TCF7L2: variants seen among roughly 807,000 people sequenced by gnomAD.
TCF7L2 encodes the protein transcription factor 7-like 2.
Under a neutral mutation model 77.9 loss-of-function variants are expected in TCF7L2, and 23 were observed. The observed-to-expected ratio is 0.30, with a 90% CI of 0.21 to 0.42. TCF7L2 has a LOEUF of 0.42. Among genes scored for constraint, TCF7L2 ranks in the 10% least tolerant of loss-of-function variants. The pLI is 1.00. For missense variants in TCF7L2, 654 were observed against 793.1 expected (o/e 0.82, Z 2.11); for synonymous variants, 413 against 340.2 (o/e 1.21, Z -2.36).
rs552749579 is a variant in TCF7L2 at position 113,079,217 on chromosome 10, G to C, written c.552+39091G>C. ...GGGTTTGGTTTTTAAATTTGTTACT[G>C]TTTTGGTGGTTGTTTTTACCTGTTG... On this transcript the variant is annotated intron_variant, in intron 5 of 13. Transcript: ENST00000627217. Among the ~76,000 whole-genome samples, 157 of 152,264 alleles carry C rather than the reference G, an allele frequency of 1.0e-3. 1 individual carries two copies. The highest frequency in any genetic ancestry group is 1.8e-3 in the Non-Finnish European group (123 of 68,018).
At chr10:112,972,278 T>C (rs2134934820) in intron 4 of TCF7L2, among the ~76,000 whole-genome samples, 1 of 152,292 alleles carries the variant, frequency 6.6e-6, no homozygotes. Flanking sequence ...GAGGCCTTTA[T>C]TTTCCCATTC....
At chr10:113,065,264 C>T (rs1399235955) in intron 5 of TCF7L2, among the ~76,000 whole-genome samples, 1 of 152,148 alleles carries the variant, frequency 6.6e-6, no homozygotes, top group African/African-American at 2.4e-5. Flanking sequence ...TTGAATGCCT[C>T]CTGTTTAGAA....
Position 113,111,955 on chromosome 10 carries a change from G to A in TCF7L2, c.553-29229G>A, listed in dbSNP as rs566440313. Among the ~76,000 whole-genome samples, 5 of 152,292 alleles carry A rather than the reference G, an allele frequency of 3.3e-5. No individual in the cohort carries two copies. In the South Asian group the frequency reaches 1.0e-3, roughly 32 times the overall value. ...AGTCACGCCTAAACTTCCTTGAGGAGATGCTAGACAAAAACAAGATGGTTT... is the reference window on the plus strand; with the variant it reads ...AGTCACGCCTAAACTTCCTTGAGGAAATGCTAGACAAAAACAAGATGGTTT... On this transcript the variant is annotated intron_variant, in intron 5 of 13. Coordinates refer to ENST00000627217, the MANE Select transcript of TCF7L2 (RefSeq NM_001146274.2).
intron 5 of TCF7L2, among the ~76,000 whole-genome samples, chr10:113,042,344 A>G (rs976794694): frequency 1.3e-5 from 2 of 152,202 alleles, no homozygotes; most frequent in Admixed American, 1.3e-4. Flanking sequence ...AAGCAGCCAC[A>G]GCTGGCAACT....
At chr10:112,952,275 C>A (rs2031898423) in intron 3 of TCF7L2, among the ~76,000 whole-genome samples, 1 of 152,210 alleles carries the variant, frequency 6.6e-6, no homozygotes, top group Non-Finnish European at 1.5e-5. Flanking sequence ...CCCTCCTTCC[C>A]CCTTCCCCTG....
At chr10:113,085,040 A>G (rs934961055) in intron 5 of TCF7L2, among the ~76,000 whole-genome samples, 7 of 152,098 alleles carry the variant, frequency 4.6e-5, no homozygotes, top group Non-Finnish European at 1.0e-4. Context: ...CTAACAGCCA[A>G]CAGGTGTTGG....
intron 4 of TCF7L2, among the ~76,000 whole-genome samples, chr10:112,966,186 A>ATT (rs2036806964): frequency 6.9e-4 from 10 of 14,594 alleles, no homozygotes; most frequent in Admixed American, 3.0e-3. Context: ...AAATATATTT[A>ATT]TATATATATA....
chr10:113,017,179 A>G lies in TCF7L2; in HGVS notation c.451-22846A>G, dbSNP rs533199400. Reference sequence around the variant, plus strand: ...TCTACTGTCCAGAATGATTTCTTATAGTGACCCTGTGTTTAGTTGGTAAGA... The same window carrying G: ...TCTACTGTCCAGAATGATTTCTTATGGTGACCCTGTGTTTAGTTGGTAAGA... On this transcript the variant is annotated intron_variant, in intron 4 of 13. Transcript: ENST00000627217. Among the ~76,000 whole-genome samples, 3 of 152,372 alleles carry G rather than the reference A, an allele frequency of 2.0e-5. No individual in the cohort carries two copies. In the South Asian group the frequency reaches 6.2e-4, roughly 32 times the overall value.
At chr10:113,101,448 C>T (rs1339730776) in intron 5 of TCF7L2, among the ~76,000 whole-genome samples, 1 of 151,800 alleles carries the variant, frequency 6.6e-6, no homozygotes, top group East Asian at 1.9e-4. Context: ...GAGGCCGAGG[C>T]AAGAGAATTT....
intron 12 of TCF7L2, 133 bp from the exon 14 acceptor site, chr10:113,159,787 T>C: frequency 1.5e-6 from 1 of 662,854 alleles, no homozygotes; most frequent in East Asian, 2.9e-5. Context: ...ATTGATTTAT[T>C]CCCTTTTTTA....
intron 5 of TCF7L2, among the ~76,000 whole-genome samples, chr10:113,116,666 G>A (rs2063771097): frequency 7.3e-6 from 1 of 136,704 alleles, no homozygotes; most frequent in Admixed American, 7.7e-5. Flanking sequence ...CGCCCCAAGT[G>A]CATCCTACAC....
At chr10:112,989,657 G>T (rs1317779005) in intron 4 of TCF7L2, among the ~76,000 whole-genome samples, 1 of 152,148 alleles carries the variant, frequency 6.6e-6, no homozygotes, top group Non-Finnish European at 1.5e-5. Context: ...TAGGCGCGTT[G>T]CTATGGTGAG....
chr10:113,154,540 G>T (rs533584833), intron 11 of TCF7L2, among the ~76,000 whole-genome samples: 7 of 152,240 alleles, frequency 4.6e-5, no homozygotes, highest in African/African-American at 1.2e-4. Flanking sequence ...TGTGAATGGT[G>T]CCCCCTGGAG....
intron 4 of TCF7L2, among the ~76,000 whole-genome samples, chr10:113,014,373 G>T (rs2046980076): frequency 6.6e-6 from 1 of 152,168 alleles, no homozygotes. Context: ...TGGTAGTTTT[G>T]CGAGGGTTAA....
chr10:113,045,950 A>G (rs555774757), intron 5 of TCF7L2, among the ~76,000 whole-genome samples: 18 of 152,304 alleles, frequency 1.2e-4, no homozygotes, highest in African/African-American at 4.3e-4. Flanking sequence ...ACATTATTTT[A>G]TAAGGAGAAC....
intron 5 of TCF7L2, among the ~76,000 whole-genome samples, chr10:113,082,726 C>T (rs956396049): frequency 3.3e-5 from 5 of 152,034 alleles, no homozygotes; most frequent in Non-Finnish European, 5.9e-5. Context: ...CGGGGTGCAT[C>T]GCTTCTGTAC....
intron 5 of TCF7L2, among the ~76,000 whole-genome samples, chr10:113,108,885 G>A (rs961669880): frequency 1.3e-5 from 2 of 152,032 alleles, no homozygotes. Flanking sequence ...TTTAATTTTC[G>A]TTTTGCCATA....
chr10:113,107,214 G>C (rs2062442635), intron 5 of TCF7L2, among the ~76,000 whole-genome samples: 1 of 152,198 alleles, frequency 6.6e-6, no homozygotes, highest in Admixed American at 6.5e-5. Context: ...GGTTGGGAAT[G>C]GACTATGTTT....
rs1564994229 is a variant in TCF7L2, at chr10:113,165,586, G to A, written c.1423G>A (p.Gly475Ser). The A allele has an allele frequency of 6.2e-7, 1 of 1,614,012 alleles. No individual in the cohort carries two copies. Among genetic ancestry groups the A allele is most frequent in the Non-Finnish European group, 8.5e-7 (1 of 1,179,978 alleles). Residue 475 changes from glycine to serine, a missense_variant, in exon 14 of 14, where the codon GGT becomes AGT. Physicochemically the swap from Gly to Ser is moderately conservative, Grantham distance 56 (BLOSUM62 0). Coordinates refer to ENST00000627217, the MANE Select transcript of TCF7L2 (RefSeq NM_001146274.2). ...AAAAAAGTGCGTTCGCTACATACAA[G>A]GTGAAGGCAGCTGCCTCAGCCCACC...
Sources: gnomAD v4.1 joint callset for allele counts (sites outside exome capture counted in the v4.1 genomes callset) on GRCh38, gnomAD v4.1.1 for gene constraint, MANE v1.5 for transcripts, NCBI Gene and HGNC (gene_info 2026-07-23, HGNC 2026-07-21) for gene names.